Variants in USP32 observed in about 807,000 individuals in gnomAD.
The protein encoded by USP32 is ubiquitin carboxyl-terminal hydrolase 32.
A neutral mutation model predicts 204.8 loss-of-function variants in USP32; 59 were observed. The observed-to-expected ratio is 0.29, with a 90% CI of 0.23 to 0.36. The LOEUF (loss-of-function observed/expected upper bound fraction) is 0.36, where lower values mean the gene tolerates loss of function less well. USP32 is among the 10% of genes least tolerant of loss of function. The probability of loss-of-function intolerance (pLI) is 1.00; values close to 1 mark genes in which losing one functional copy is unlikely to be tolerated. For synonymous variants in USP32, 517 were observed against 678.4 expected (o/e 0.76, Z 3.70); for missense variants, 1,160 against 1,946.4 (o/e 0.60, Z 7.60).
At chr17:60,392,710 A>T, upstream of USP32, 1 of 424,538 alleles carries the variant, frequency 2.4e-6, no homozygotes, top group South Asian at 1.6e-5. Flanking sequence ...GGAAAGGAGA[A>T]TCTCAAGGCT....
At chr17:60,271,971 C>T (rs1042541624) in intron 5 of USP32, among the ~76,000 whole-genome samples, 2 of 152,086 alleles carry the variant, frequency 1.3e-5, no homozygotes, top group African/African-American at 4.8e-5. Flanking sequence ...GCCACCACAT[C>T]CAGCTAATTT....
intron 2 of USP32, among the ~76,000 whole-genome samples, chr17:60,329,171 C>T (rs547148545): frequency 5.7e-4 from 86 of 151,906 alleles, no homozygotes; most frequent in African/African-American, 2.0e-3. Flanking sequence ...ACTGTTTATT[C>T]GTAAAAAGAA....
chr17:60,238,790 C>T (rs141626267), intron 11 of USP32, among the ~76,000 whole-genome samples: 1,747 of 141,138 alleles, frequency 0.012, 29 homozygotes, highest in African/African-American at 0.043. Flanking sequence ...GGCAACAGAG[C>T]GAGACTCCAT....
intron 3 of USP32, among the ~76,000 whole-genome samples, chr17:60,296,556 T>C (rs1364320275): frequency 6.6e-6 from 1 of 152,212 alleles, no homozygotes; most frequent in African/African-American, 2.4e-5. Context: ...TTTGGACTTC[T>C]AGCCTTCAGA....
chr17:60,365,203 G>C (rs531554011), intron 1 of USP32, among the ~76,000 whole-genome samples: 1 of 152,088 alleles, frequency 6.6e-6, no homozygotes, highest in African/African-American at 2.4e-5. Context: ...TGTTTTAGCC[G>C]GGTGCGGTGG....
intron 1 of USP32, among the ~76,000 whole-genome samples, chr17:60,358,755 C>G (rs2089142385): frequency 6.6e-6 from 1 of 151,958 alleles, no homozygotes; most frequent in South Asian, 2.1e-4. Context: ...CTAGATGAGA[C>G]CAGGATATTG....
intron 28 of USP32, 97 bp downstream of exon 28, chr17:60,192,747 T>C: frequency 7.0e-7 from 1 of 1,433,138 alleles, no homozygotes; most frequent in South Asian, 1.2e-5. Context: ...TTTCTCATTA[T>C]TCACTATTTA....
At chr17:60,224,557 G>A (rs1217954712) in intron 13 of USP32, among the ~76,000 whole-genome samples, 1 of 152,168 alleles carries the variant, frequency 6.6e-6, no homozygotes, top group Non-Finnish European at 1.5e-5. Context: ...GGCCAAGGCT[G>A]GAGGACTGCT....
chr17:60,202,728 A>G (rs1456170666), intron 26 of USP32, among the ~76,000 whole-genome samples: 3 of 150,872 alleles, frequency 2.0e-5, no homozygotes, highest in East Asian at 3.9e-4. Flanking sequence ...AAGATAAATA[A>G]TATCTGTAGT....
At chr17:60,392,209 C>T (rs1379104969), upstream of USP32, 4 of 506,384 alleles carry the variant, frequency 7.9e-6, no homozygotes, top group South Asian at 7.1e-5. Flanking sequence ...CCTCTCCTTC[C>T]CTCCTCACGC....
At chr17:60,229,393 A>AG (rs1242391345) in intron 12 of USP32, among the ~76,000 whole-genome samples, 1 of 152,228 alleles carries the variant, frequency 6.6e-6, no homozygotes, top group Admixed American at 6.5e-5. Context: ...ATATGCAGCC[A>AG]GAATTAATAA....
intron 28 of USP32, 81 bp downstream of exon 28, chr17:60,192,763 C>T: frequency 6.5e-7 from 1 of 1,531,034 alleles, no homozygotes; most frequent in Non-Finnish European, 9.0e-7. Context: ...ATTTACTTCT[C>T]AAAACTGGAA....
At chr17:60,243,607 G>T (rs1412017289) in intron 11 of USP32, among the ~76,000 whole-genome samples, 1 of 152,146 alleles carries the variant, frequency 6.6e-6, no homozygotes, top group African/African-American at 2.4e-5. Context: ...TAATTGTAAG[G>T]TGTCACAAAA....
intron 11 of USP32, among the ~76,000 whole-genome samples, chr17:60,238,968 A>T (rs1283182127): frequency 1.3e-5 from 2 of 152,190 alleles, no homozygotes; most frequent in Non-Finnish European, 2.9e-5. Context: ...ACACAAAAAC[A>T]AAACAAACGA....
chr17:60,405,980 C>T (rs572745496), intron 1 of USP32, among the ~76,000 whole-genome samples: 2 of 151,906 alleles, frequency 1.3e-5, no homozygotes, highest in Non-Finnish European at 2.9e-5. Flanking sequence ...TAGTTAGACG[C>T]CACCTCTCCA....
At position 60,384,700 on chromosome 17, in the gene USP32, G is replaced by C. The variant is rs908230102; in HGVS notation, c.58+7182C>G. 2.0e-5 allele frequency among the ~76,000 whole-genome samples: 3 copies of C among 151,932 alleles called. No homozygotes were observed. The East Asian group carries it at 5.8e-4, about 29-fold the overall frequency. ...CCAGCTACTCGGAGGGCTGAGGCAGGAGAATTGCTTGAATTCGGGAGGCGG... is the reference window on the plus strand; with the variant it reads ...CCAGCTACTCGGAGGGCTGAGGCAGCAGAATTGCTTGAATTCGGGAGGCGG... On this transcript the variant is annotated intron_variant, in intron 1 of 33. Transcript: ENST00000300896.
In USP32 at chr17:60,191,972, G is replaced by T. The variant is rs2084393900; in HGVS notation, c.3521+872C>A. Among the ~76,000 whole-genome samples, 3 of 150,648 alleles carry T rather than the reference G, an allele frequency of 2.0e-5. No homozygotes were observed. In the South Asian group the frequency reaches 6.2e-4, roughly 31 times the overall value. ...CCAGCAAGGTCTAGTAAAGACTATG[G>T]TCTACTGTGCTTAGAACTGGCAAAC... On this transcript the variant is annotated intron_variant, in intron 28 of 33. Transcript: ENST00000300896.
chr17:60,220,453 T>C (rs773195598), intron 15 of USP32, among the ~76,000 whole-genome samples: 6 of 152,342 alleles, frequency 3.9e-5, no homozygotes, highest in African/African-American at 1.4e-4. Flanking sequence ...ATGTTTTGTC[T>C]ATGACTTAAA....
chr17:60,247,405 C>T (rs1326181347), intron 11 of USP32, among the ~76,000 whole-genome samples: 2 of 152,154 alleles, frequency 1.3e-5, no homozygotes, highest in Non-Finnish European at 2.9e-5. Context: ...GTCTCGAACT[C>T]CTGGCCTCAG....
Sources: allele counts gnomAD v4.1 joint callset (sites outside exome capture counted in the v4.1 genomes callset), GRCh38; gene constraint gnomAD v4.1.1; transcripts MANE v1.5; gene names NCBI Gene and HGNC (gene_info 2026-07-23, HGNC 2026-07-21).